The following ZNF410 variants were observed in gnomAD, a reference collection of about 807,000 sequenced individuals.
ZNF410 encodes the protein another partner for ARF 1.
ZNF410 carries 18 observed loss-of-function variants against 54.8 expected under a neutral mutation model. That is an observed-to-expected ratio of 0.33 (90% CI 0.23 to 0.49). The LOEUF (loss-of-function observed/expected upper bound fraction) is 0.49. ZNF410 is among the 20% of genes least tolerant of loss of function. The pLI is 0.99. For missense variants in ZNF410, 405 were observed against 569.6 expected, an observed-to-expected ratio of 0.71 and a Z score of 2.94; for synonymous variants, 191 against 207.3, an observed-to-expected ratio of 0.92 and a Z score of 0.68.
chr14:73,914,755 AGAAGCTGG>A (rs1262200767), intron 8 of ZNF410: 1 of 149,166 alleles, frequency 6.7e-6, no homozygotes, highest in East Asian at 2.0e-4. Flanking sequence ...CAGCCTCCTG[AGAAGCTGG>A]GATTACACGC....
chr14:73,924,708 G>A (rs1041719547), intron 11 of ZNF410: 14 of 443,402 alleles, frequency 3.2e-5, no homozygotes, highest in Admixed American at 1.0e-4. Flanking sequence ...ACAGAGTCTC[G>A]CTCCGTTGCC....
intron 1 of ZNF410, among the ~76,000 whole-genome samples, chr14:73,888,971 G>C (rs1047307112): frequency 6.6e-6 from 1 of 152,098 alleles, no homozygotes; most frequent in African/African-American, 2.4e-5. Flanking sequence ...GAAAATGCTC[G>C]TGTTAATTTT....
At chr14:73,927,513 C>G (rs1281867827) in intron 11 of ZNF410, among the ~76,000 whole-genome samples, 1 of 152,190 alleles carries the variant, frequency 6.6e-6, no homozygotes, top group African/African-American at 2.4e-5. Context: ...CAACCCACAG[C>G]ACCTAGCCTT....
intron 11 of ZNF410, among the ~76,000 whole-genome samples, chr14:73,925,323 T>C (rs2055813198): frequency 6.6e-6 from 1 of 152,176 alleles, no homozygotes; most frequent in South Asian, 2.1e-4. Context: ...TTAAAGCTTT[T>C]ATTATGGAAA....
chr14:73,928,301 G>A (rs1334544214), intron 11 of ZNF410, among the ~76,000 whole-genome samples: 6 of 152,106 alleles, frequency 3.9e-5, no homozygotes, highest in Admixed American at 3.9e-4. Context: ...TGTGTACAAA[G>A]GTAGAAGGTA....
At position 73,931,595 on chromosome 14, in the gene ZNF410, A is replaced by G. The variant is rs1186293820; in HGVS notation, c.*54A>G. 7.1e-6 allele frequency: 11 copies of G among 1,550,982 alleles called. No individual in the cohort carries two copies. In the East Asian group the frequency reaches 2.0e-4, roughly 29 times the overall value. Reference sequence around the variant, plus strand: ...CTCTATCTGATCTCAAAATGCGTATACTGGGAACAGGATGCCTTAGCCCAC... The same window carrying G: ...CTCTATCTGATCTCAAAATGCGTATGCTGGGAACAGGATGCCTTAGCCCAC... On this transcript the variant is annotated 3_prime_UTR_variant, in exon 12 of 12. Transcript: ENST00000555044.
chr14:73,924,660 C>T (rs17782281), intron 11 of ZNF410: 156,729 of 443,198 alleles, frequency 0.35, 30,395 homozygotes, highest in Non-Finnish European at 0.42. Context: ...GGTGCTCTTC[C>T]GTCTTTTCTC....
rs1434958805 is a variant in ZNF410, at chr14:73,893,898, T to A, written c.135T>A (p.Thr45=). The part of the protein sequence containing the change: ...DITCLSLLPV[T]EASECSRLML... Reference sequence around the variant, plus strand: ...CTTGCTTGTCCCTCCTTCCCGTGACTGAAGCCTCAGAATGCAGTCGGCTAA... The same window carrying A: ...CTTGCTTGTCCCTCCTTCCCGTGACAGAAGCCTCAGAATGCAGTCGGCTAA... Residue 45 remains threonine (T), a synonymous_variant, in exon 3 of 12, where the codon ACT becomes ACA. Coordinates refer to ENST00000555044, the MANE Select transcript of ZNF410 (RefSeq NM_021188.3). 1 of 1,613,768 alleles carries A rather than the reference T, an allele frequency of 6.2e-7. No homozygotes were observed.
chr14:73,924,833 C>G (rs531843310), intron 11 of ZNF410: 1 of 333,058 alleles, frequency 3.0e-6, no homozygotes, highest in African/African-American at 2.3e-5. Context: ...CGTGCCACCA[C>G]GCCCAGCTAA....
intron 8 of ZNF410, among the ~76,000 whole-genome samples, chr14:73,915,129 G>C (rs1463825304): frequency 6.6e-6 from 1 of 150,804 alleles, no homozygotes; most frequent in Non-Finnish European, 1.5e-5. Flanking sequence ...AGGTGTGGTA[G>C]CTCATGACTG....
intron 5 of ZNF410, 122 bp from the exon 6 acceptor site, chr14:73,903,838 G>T: frequency 7.7e-7 from 1 of 1,294,026 alleles, no homozygotes. Context: ...GATAACTGGG[G>T]AAGATGAAGA....
chr14:73,910,122 T>G (rs753152550), intron 8 of ZNF410, among the ~76,000 whole-genome samples: 2 of 152,114 alleles, frequency 1.3e-5, no homozygotes, highest in Non-Finnish European at 2.9e-5. Context: ...GGTGATTTAC[T>G]TGGAAAACAA....
intron 3 of ZNF410, 165 bp from the exon 4 acceptor site, chr14:73,896,151 C>A: frequency 1.7e-6 from 1 of 599,306 alleles, no homozygotes; most frequent in East Asian, 2.8e-5. Context: ...AACATAAAGC[C>A]ATCTCTCTGT....
intron 9 of ZNF410, 131 bp downstream of exon 9, chr14:73,921,236 G>C: frequency 8.4e-7 from 1 of 1,194,910 alleles, no homozygotes; most frequent in South Asian, 1.6e-5. Flanking sequence ...CATTTGATGG[G>C]CTGATGGTTT....
chr14:73,929,704 C>G (rs2055883134), intron 11 of ZNF410, among the ~76,000 whole-genome samples: 1 of 151,802 alleles, frequency 6.6e-6, no homozygotes, highest in Admixed American at 6.6e-5. Flanking sequence ...CTGGTCCTAG[C>G]TACTTGGGAG....
chr14:73,927,932 G>T (rs751705390), intron 11 of ZNF410: 7 of 167,510 alleles, frequency 4.2e-5, no homozygotes, highest in African/African-American at 7.2e-5. Flanking sequence ...CTACCTCCTG[G>T]GTTCAAGCAA....
chr14:73,888,809 T>C (rs1389115332), intron 1 of ZNF410, among the ~76,000 whole-genome samples: 5 of 152,172 alleles, frequency 3.3e-5, no homozygotes, highest in Admixed American at 1.3e-4. Context: ...AGATACTGAG[T>C]GCTCTAGTAC....
chr14:73,889,577 T>C (rs1451860853), intron 1 of ZNF410, among the ~76,000 whole-genome samples: 1 of 152,064 alleles, frequency 6.6e-6, no homozygotes, highest in Non-Finnish European at 1.5e-5. Flanking sequence ...ACTTCTGGTG[T>C]GGGTGGGAGT....
At chr14:73,930,069 T>G (rs1168014898) in intron 11 of ZNF410, among the ~76,000 whole-genome samples, 1 of 152,136 alleles carries the variant, frequency 6.6e-6, no homozygotes, top group Non-Finnish European at 1.5e-5. Context: ...TATAAGAGAT[T>G]CCCAGCTAGT....
Sources: gnomAD v4.1 joint callset for allele counts (sites outside exome capture counted in the v4.1 genomes callset) on GRCh38, gnomAD v4.1.1 for gene constraint, MANE v1.5 for transcripts, NCBI Gene and HGNC (gene_info 2026-07-23, HGNC 2026-07-21) for gene names.